The following CUX1 variants were observed in gnomAD, a reference collection of about 807,000 sequenced individuals.
CUX1 encodes cut like homeobox 1.
A neutral mutation model predicts 158.8 loss-of-function variants in CUX1; 31 were observed. That is an observed-to-expected ratio of 0.20 (90% CI 0.15 to 0.26). CUX1 has a LOEUF of 0.26. Among genes scored for constraint, CUX1 ranks in the 10% least tolerant of loss-of-function variants. The probability of loss-of-function intolerance (pLI) is 1.00; values close to 1 mark genes in which losing one functional copy is unlikely to be tolerated. For missense variants in CUX1, 1,589 were observed against 2,014.6 expected, an observed-to-expected ratio of 0.79 and a Z score of 4.04; for synonymous variants, 879 against 862.1, an observed-to-expected ratio of 1.02 and a Z score of -0.34.
intron 4 of CUX1, among the ~76,000 whole-genome samples, chr7:102,079,255 T>C (rs554447823): frequency 1.3e-5 from 2 of 152,132 alleles, no homozygotes; most frequent in East Asian, 3.9e-4. Flanking sequence ...GTGACAAACA[T>C]GGTGAAACCC....
intron 3 of CUX1, among the ~76,000 whole-genome samples, chr7:102,033,100 G>A (rs1431028050): frequency 6.6e-6 from 1 of 152,156 alleles, no homozygotes; most frequent in African/African-American, 2.4e-5. Context: ...AATAACTTGA[G>A]TGCTCGTATT....
intron 1 of CUX1, among the ~76,000 whole-genome samples, chr7:101,909,613 C>T (rs1803188916): frequency 6.6e-6 from 1 of 152,208 alleles, no homozygotes; most frequent in African/African-American, 2.4e-5. Flanking sequence ...TTTAAGATTT[C>T]TATATAGGAT....
At chr7:101,940,347 C>G (rs550100099) in intron 2 of CUX1, among the ~76,000 whole-genome samples, 2 of 152,160 alleles carry the variant, frequency 1.3e-5, no homozygotes, top group South Asian at 4.1e-4. Context: ...AAGAGAAGCT[C>G]ACCCAGAGAC....
chr7:102,158,335 A>G (rs1790016964), intron 8 of CUX1, among the ~76,000 whole-genome samples: 1 of 152,142 alleles, frequency 6.6e-6, no homozygotes, highest in South Asian at 2.1e-4. Flanking sequence ...ACCCCATCAA[A>G]GGCAGGCACC....
intron 1 of CUX1, among the ~76,000 whole-genome samples, chr7:101,874,899 G>A (rs1260803337): frequency 1.3e-5 from 2 of 152,214 alleles, no homozygotes; most frequent in Non-Finnish European, 2.9e-5. Flanking sequence ...CTGACACCAG[G>A]CTGGGGGGCC....
At chr7:102,161,957 T>C (rs1007727008) in intron 9 of CUX1, among the ~76,000 whole-genome samples, 2 of 152,124 alleles carry the variant, frequency 1.3e-5, no homozygotes, top group East Asian at 3.9e-4. Context: ...AACAGCTCCT[T>C]GGAGTGCATT....
intron 16 of CUX1, among the ~76,000 whole-genome samples, chr7:102,199,153 C>T (rs1262896202): frequency 1.3e-5 from 2 of 152,152 alleles, no homozygotes; most frequent in South Asian, 2.1e-4. Flanking sequence ...CCCGGTCCCC[C>T]GTTTTTCTCA....
At chr7:102,030,450 C>G (rs1279383447) in intron 3 of CUX1, among the ~76,000 whole-genome samples, 1 of 151,130 alleles carries the variant, frequency 6.6e-6, no homozygotes, top group East Asian at 2.0e-4. Context: ...CTCAAACACA[C>G]GTGGAAGGCT....
chr7:102,204,004 C>G (rs1441443345), intron 18 of CUX1, among the ~76,000 whole-genome samples: 1 of 152,176 alleles, frequency 6.6e-6, no homozygotes, highest in African/African-American at 2.4e-5. Context: ...GGGATCTTGT[C>G]CCTGGAACCT....
chr7:102,129,691 A>G (rs1554496552), intron 8 of CUX1, among the ~76,000 whole-genome samples: 1 of 152,136 alleles, frequency 6.6e-6, no homozygotes, highest in African/African-American at 2.4e-5. Flanking sequence ...CTCAAAGAAA[A>G]AATCAACACC....
chr7:102,203,378 G>A (rs567875377), intron 18 of CUX1, among the ~76,000 whole-genome samples: 3 of 151,658 alleles, frequency 2.0e-5, no homozygotes, highest in Admixed American at 6.6e-5. Context: ...GCATGGCGCC[G>A]TCCCCGCACT....
At chr7:101,961,457 A>T (rs76877503) in intron 2 of CUX1, 3 of 152,238 alleles carry the variant, frequency 2.0e-5, no homozygotes, top group Non-Finnish European at 4.4e-5. Flanking sequence ...CCATTCCCAC[A>T]TGGAGAGTTG....
chr7:102,149,440 C>T (rs531635534), intron 8 of CUX1, among the ~76,000 whole-genome samples: 31 of 137,654 alleles, frequency 2.3e-4, no homozygotes, highest in Middle Eastern at 3.9e-3. Context: ...CTGCTGAGCT[C>T]CTAGGATGTG....
intron 8 of CUX1, among the ~76,000 whole-genome samples, chr7:102,134,341 A>G (rs1185944842): frequency 1.3e-5 from 2 of 152,194 alleles, no homozygotes; most frequent in Non-Finnish European, 2.9e-5. Context: ...AGTCTCAAAA[A>G]TAAAAATTAA....
intron 2 of CUX1, among the ~76,000 whole-genome samples, chr7:102,020,426 C>CT (rs1203605570): frequency 4.0e-5 from 6 of 149,680 alleles, no homozygotes; most frequent in Admixed American, 6.6e-5. Context: ...TATATATTGT[C>CT]TTGTTTTTAA....
Position 101,916,242 on chromosome 7 carries a change from T to C in CUX1, c.141+17T>C, listed in dbSNP as rs1554416207. On this transcript the variant is annotated intron_variant, in intron 2 of 23. Transcript: ENST00000292535. The surrounding 1 kb of genome is among the most constrained non-coding windows in gnomAD (Gnocchi z 4.4). ...ACTCCAGAGGTGAGGCGCGTGACCA[T>C]CGTGTTCGCTTTGAAGGGATCTTAG... 4 of 1,498,258 alleles carry C rather than the reference T, an allele frequency of 2.7e-6. No individual in the cohort carries two copies. Among genetic ancestry groups the C allele is most frequent in the Non-Finnish European group, 3.7e-6 (4 of 1,074,840 alleles). 92.8% of individuals were successfully genotyped at this position (1,498,258 alleles called of 1,614,324 possible).
chr7:102,119,042 A>G (rs1831750182), intron 8 of CUX1, among the ~76,000 whole-genome samples: 1 of 152,046 alleles, frequency 6.6e-6, no homozygotes, highest in Admixed American at 6.6e-5. Flanking sequence ...GAGCCACTGC[A>G]CCCAGCATGC....
At chr7:102,047,494 TGGAGGGAGGGAGGGAA>T (rs1563173499) in intron 3 of CUX1, among the ~76,000 whole-genome samples, 2 of 125,640 alleles carry the variant, frequency 1.6e-5, no homozygotes, top group Admixed American at 8.7e-5. Flanking sequence ...AAGGGAGAGA[TGGAGGGAGGGAGGGAA>T]GGAGGGAGGG....
intron 10 of CUX1, among the ~76,000 whole-genome samples, chr7:102,172,087 C>T (rs577888754): frequency 2.1e-4 from 32 of 152,072 alleles, no homozygotes; most frequent in African/African-American, 7.5e-4. Context: ...AACAGAATAC[C>T]GTTATTTCTT....
Sources: gnomAD v4.1 joint callset for allele counts (sites outside exome capture counted in the v4.1 genomes callset) on GRCh38, gnomAD v4.1.1 for gene constraint, Gnocchi (gnomAD v3.1) non-coding constraint, MANE v1.5 for transcripts, NCBI Gene and HGNC (gene_info 2026-07-23, HGNC 2026-07-21) for gene names.